SGCZ: variants seen among roughly 807,000 people sequenced by gnomAD.
The protein encoded by SGCZ is sarcoglycan zeta.
A neutral mutation model predicts 41.3 loss-of-function variants in SGCZ; 40 were observed. The ratio of observed to expected loss-of-function variants is 0.97; its 90% CI spans 0.75 to 1.26. SGCZ has a LOEUF of 1.26. SGCZ is among the 50% of genes most tolerant of loss of function. The pLI, the probability that SGCZ is intolerant of heterozygous loss-of-function variation, is 0.00. For missense variants in SGCZ, 552 were observed against 369.8 expected (o/e 1.49, Z -4.04); for synonymous variants, 206 against 137.5 (o/e 1.50, Z -3.49).
intron 1 of SGCZ, among the ~76,000 whole-genome samples, chr8:15,225,612 A>AGTGTG (rs921365564): frequency 2.6e-4 from 40 of 152,248 alleles, no homozygotes; most frequent in African/African-American, 9.4e-4. Flanking sequence ...TGTGTTGCGG[A>AGTGTG]GTGTGGATTA....
At chr8:14,166,313 T>C (rs1488810490) in intron 4 of SGCZ, among the ~76,000 whole-genome samples, 1 of 152,194 alleles carries the variant, frequency 6.6e-6, no homozygotes, top group Non-Finnish European at 1.5e-5. Context: ...TTGTTGCATT[T>C]GATCTTGAAA....
chr8:15,024,752 T>C (rs1803385156), intron 1 of SGCZ, among the ~76,000 whole-genome samples: 1 of 151,900 alleles, frequency 6.6e-6, no homozygotes. Context: ...CTGGCTAACA[T>C]GGTGAAACCC....
intron 1 of SGCZ, among the ~76,000 whole-genome samples, chr8:15,144,156 T>C (rs1047362647): frequency 6.6e-6 from 1 of 152,244 alleles, no homozygotes; most frequent in African/African-American, 2.4e-5. Context: ...TTCTGGCATT[T>C]TGAAGTTGGT....
At chr8:14,200,599 A>G (rs529480940) in intron 4 of SGCZ, among the ~76,000 whole-genome samples, 151 of 152,222 alleles carry the variant, frequency 9.9e-4, no homozygotes, top group African/African-American at 3.5e-3. Flanking sequence ...AATTTAAAAG[A>G]GGTGTTTTTT....
chr8:14,493,601 C>T (rs1801909162), intron 2 of SGCZ, among the ~76,000 whole-genome samples: 1 of 151,420 alleles, frequency 6.6e-6, no homozygotes, highest in African/African-American at 2.4e-5. Context: ...ATCGTGACCT[C>T]ATGATCTGCC....
intron 1 of SGCZ, among the ~76,000 whole-genome samples, chr8:14,707,403 G>C (rs1401947994): frequency 6.6e-6 from 1 of 152,022 alleles, no homozygotes; most frequent in East Asian, 1.9e-4. Flanking sequence ...TGTAGAACAT[G>C]TGAACAAAAT....
intron 1 of SGCZ, among the ~76,000 whole-genome samples, chr8:14,923,790 T>A (rs976799972): frequency 3.3e-5 from 5 of 152,224 alleles, no homozygotes; most frequent in Non-Finnish European, 7.3e-5. Context: ...TTTATAATCA[T>A]CAGTACAGCT....
intron 4 of SGCZ, among the ~76,000 whole-genome samples, chr8:14,226,808 C>T (rs946174675): frequency 6.6e-6 from 1 of 152,116 alleles, no homozygotes; most frequent in Non-Finnish European, 1.5e-5. Flanking sequence ...TAATGTTTTG[C>T]ATTCCTAGCA....
chr8:15,213,977 A>C (rs1351518311), intron 1 of SGCZ, among the ~76,000 whole-genome samples: 1 of 152,036 alleles, frequency 6.6e-6, no homozygotes, highest in African/African-American at 2.4e-5. Flanking sequence ...TGCAGAATAC[A>C]AATAATTTTA....
chr8:14,762,153 T>A (rs1799905622), intron 1 of SGCZ, among the ~76,000 whole-genome samples: 1 of 152,154 alleles, frequency 6.6e-6, no homozygotes, highest in Non-Finnish European at 1.5e-5. Flanking sequence ...GCATGAACAT[T>A]TATACATACT....
At chr8:15,185,116 A>T (rs1417181447) in intron 1 of SGCZ, among the ~76,000 whole-genome samples, 1 of 152,172 alleles carries the variant, frequency 6.6e-6, no homozygotes. Context: ...TCATCAGGGC[A>T]ATTTTAATTG....
chr8:14,355,112 C>G (rs1464112963), intron 2 of SGCZ, among the ~76,000 whole-genome samples: 1 of 151,974 alleles, frequency 6.6e-6, no homozygotes, highest in Non-Finnish European at 1.5e-5. Context: ...CTATATCTAA[C>G]TGATGATACC....
chr8:14,792,310 G>C (rs1800982391), intron 1 of SGCZ, among the ~76,000 whole-genome samples: 1 of 152,062 alleles, frequency 6.6e-6, no homozygotes, highest in East Asian at 1.9e-4. Flanking sequence ...AATCAATATA[G>C]GTTACAACAT....
intron 1 of SGCZ, among the ~76,000 whole-genome samples, chr8:14,860,737 A>AGAAAGAAAGAAAGAAG (rs1803717634): frequency 7.2e-6 from 1 of 138,556 alleles, no homozygotes; most frequent in Admixed American, 7.1e-5. Context: ...AAAGAAAGAA[A>AGAAAGAAAGAAAGAAG]GTAAGTAAGT....
At chr8:14,754,635 T>C (rs189885008) in intron 1 of SGCZ, among the ~76,000 whole-genome samples, 3 of 152,220 alleles carry the variant, frequency 2.0e-5, no homozygotes, top group Non-Finnish European at 2.9e-5. Context: ...ATTTCTATAA[T>C]TGCAGAATAA....
chr8:14,781,028 T>A (rs927353629), intron 1 of SGCZ, among the ~76,000 whole-genome samples: 3 of 152,206 alleles, frequency 2.0e-5, no homozygotes, highest in Non-Finnish European at 4.4e-5. Context: ...ACTTTTGTCA[T>A]CATTCTATAA....
At chr8:14,757,218 T>C (rs1258576357) in intron 1 of SGCZ, among the ~76,000 whole-genome samples, 6 of 152,050 alleles carry the variant, frequency 3.9e-5, no homozygotes, top group African/African-American at 2.4e-5. Context: ...CCAGCTAATG[T>C]TTGTATTCTT....
At chr8:14,371,192 T>G (rs1179585522) in intron 2 of SGCZ, among the ~76,000 whole-genome samples, 1 of 152,034 alleles carries the variant, frequency 6.6e-6, no homozygotes, top group East Asian at 1.9e-4. Flanking sequence ...AAACTCTGCC[T>G]TCAAAGAATC....
intron 2 of SGCZ, among the ~76,000 whole-genome samples, chr8:14,384,494 G>C (rs548363387): frequency 6.6e-6 from 1 of 152,176 alleles, no homozygotes; most frequent in South Asian, 2.1e-4. Context: ...GGTTGTTATA[G>C]GGAAATATTT....
Sources: gnomAD v4.1 joint callset for allele counts (sites outside exome capture counted in the v4.1 genomes callset) on GRCh38, gnomAD v4.1.1 for gene constraint, MANE v1.5 for transcripts, NCBI Gene and HGNC (gene_info 2026-07-23, HGNC 2026-07-21) for gene names.